CD6: variants seen among roughly 807,000 people sequenced by gnomAD.
CD6 encodes T-cell differentiation antigen CD6.
CD6 carries 53 observed loss-of-function variants against 75.3 expected under a neutral mutation model. The ratio of observed to expected loss-of-function variants is 0.70; its 90% CI spans 0.56 to 0.88. The LOEUF (loss-of-function observed/expected upper bound fraction) is 0.88. CD6 is among the 40% of genes least tolerant of loss of function. The pLI is 0.00. For missense variants in CD6, 770 were observed against 897.1 expected (o/e 0.86, Z 1.81); for synonymous variants, 359 against 381.5 (o/e 0.94, Z 0.69).
rs1423791512 is a variant in CD6, at chr11:61,009,606, C to T, written c.816C>T (p.Asp272=). 1.7e-5 allele frequency: 27 copies of T among 1,611,832 alleles called. No individual in the cohort carries two copies. Among genetic ancestry groups the T allele is most frequent in the Non-Finnish European group, 1.6e-5 (19 of 1,179,220 alleles). Residue 272 remains aspartate (D), a synonymous_variant, in exon 5 of 13, where the codon GAC becomes GAT. Transcript: ENST00000313421. Reference sequence around the variant, plus strand: ...CCTGGCGCCTGACAGGGGGCGCTGACCGCTGCGAGGGGCAGGTGGAGGTAC... The same window carrying T: ...CCTGGCGCCTGACAGGGGGCGCTGATCGCTGCGAGGGGCAGGTGGAGGTAC... The part of the protein sequence containing the change: ...HQSWRLTGGA[D]RCEGQVEVHF...
intron 1 of CD6, among the ~76,000 whole-genome samples, chr11:60,972,160 C>T (rs1329310046): frequency 6.6e-6 from 1 of 152,164 alleles, no homozygotes; most frequent in African/African-American, 2.4e-5. Context: ...TTGTGCCTTA[C>T]CAATGGGTCC....
At chr11:60,990,867 A>G (rs1858034177) in intron 1 of CD6, among the ~76,000 whole-genome samples, 1 of 151,960 alleles carries the variant, frequency 6.6e-6, no homozygotes, top group African/African-American at 2.4e-5. Context: ...CCAAGTGGAT[A>G]GATATGCATC....
chr11:61,005,370 C>T lies in CD6; in HGVS notation c.50-1204C>T, dbSNP rs372183729. ...TACCCGAGGGACCTCACAGGGGGGGCCAGAGGAATAAGTGTCACATCTTCG... is the reference window on the plus strand; with the variant it reads ...TACCCGAGGGACCTCACAGGGGGGGTCAGAGGAATAAGTGTCACATCTTCG... On this transcript the variant is annotated intron_variant, in intron 1 of 12. Transcript: ENST00000313421. Among the ~76,000 whole-genome samples, 10 of 152,186 alleles carry T rather than the reference C, an allele frequency of 6.6e-5. No homozygotes were observed. In the South Asian group the frequency reaches 1.9e-3, roughly 28 times the overall value.
intron 9 of CD6, among the ~76,000 whole-genome samples, chr11:61,016,310 G>A (rs1009432969): frequency 1.3e-5 from 2 of 152,196 alleles, no homozygotes; most frequent in African/African-American, 4.8e-5. Flanking sequence ...TTGCCTTCTG[G>A]GGATAGGAAG....
rs1202656371 is a variant in CD6 at position 61,013,997 on chromosome 11, T to C, written c.1370T>C (p.Ile457Thr). Reference sequence around the variant, plus strand: ...AGCAATAGCTATCAACCGGTCCCCATCACCATCCCCAAAGAAGGTAGGATG... The same window carrying C: ...AGCAATAGCTATCAACCGGTCCCCACCACCATCCCCAAAGAAGGTAGGATG... ...AGSNSYQPVPITIPKEVFMLP... is the reference protein window; with the variant it reads ...AGSNSYQPVPTTIPKEVFMLP... The change falls in exon 8 of 13, where the codon ATC becomes ACC. Residue 457 changes from isoleucine (I) to threonine (T), a missense_variant. Physicochemically the swap from Ile to Thr is moderately conservative, Grantham distance 89. Transcript: ENST00000313421. 6.2e-7 allele frequency: 1 copy of C among 1,612,822 alleles called. No individual in the cohort carries two copies. The highest frequency in any genetic ancestry group is 1.7e-5 in the Admixed American group (1 of 59,786).
chr11:61,009,813 CT>C lies in CD6; in HGVS notation c.1024del (p.Trp342GlyfsTer42). On this transcript the variant is annotated frameshift_variant, in exon 5 of 13. Transcript: ENST00000313421. LOFTEE classifies it high-confidence loss of function. ...GEELTLSNCS[W>X]RFNNSNLCSQ... The stretch of plus-strand genomic sequence containing the variant: ...AGGAGCTCACCCTCTCCAACTGCTC[CT>C]GGCGGTTCAACAACTCCAACCTCTG... 6.3e-7 allele frequency: 1 copy of C among 1,599,554 alleles called. No individual in the cohort carries two copies. Among genetic ancestry groups the C allele is most frequent in the South Asian group, 1.1e-5 (1 of 88,818 alleles).
chr11:61,005,941 A>G (rs12226531), intron 1 of CD6, among the ~76,000 whole-genome samples: 12,442 of 151,264 alleles, frequency 0.082, 732 homozygotes, highest in Admixed American at 0.18. Flanking sequence ...CAAAAAAAAA[A>G]AAAGAAAGAA....
At chr11:61,005,225 C>CT (rs942959400) in intron 1 of CD6, among the ~76,000 whole-genome samples, 99 of 152,334 alleles carry the variant, frequency 6.5e-4, no homozygotes, top group African/African-American at 2.3e-3. Flanking sequence ...TAAGTAGAAT[C>CT]TAAGAGCAAC....
At position 61,009,566 on chromosome 11, in the gene CD6, C is replaced by T. The variant is rs757185142; in HGVS notation, c.782-6C>T. ...CCTGACTCTGTCCCCTGCCCCTTCC[C>T]TGCAGAGCACCAGTCCTGGCGCCTG... On this transcript the variant is annotated splice_polypyrimidine_tract_variant and splice_region_variant and intron_variant, in intron 4 of 12. Coordinates refer to ENST00000313421, the MANE Select transcript of CD6 (RefSeq NM_006725.5). 3.1e-6 allele frequency: 5 copies of T among 1,592,490 alleles called. No homozygotes were observed. The East Asian group carries it at 6.7e-5, about 21-fold the overall frequency.
At chr11:61,012,958 C>T (rs1388150450) in intron 6 of CD6, among the ~76,000 whole-genome samples, 3 of 152,218 alleles carry the variant, frequency 2.0e-5, no homozygotes, top group African/African-American at 4.8e-5. Flanking sequence ...CTCATGCCCC[C>T]AGTGTCGCTG....
At chr11:61,018,062 A>G (rs779972633) in intron 11 of CD6, 49 bp downstream of exon 11, 28 of 1,591,664 alleles carry the variant, frequency 1.8e-5, no homozygotes, top group Non-Finnish European at 2.3e-5. Flanking sequence ...GCCTGGCTGG[A>G]GGAGGCATAA....
chr11:60,990,754 A>G (rs1858025435), intron 1 of CD6, among the ~76,000 whole-genome samples: 1 of 68,332 alleles, frequency 1.5e-5, no homozygotes, highest in African/African-American at 3.3e-5. Context: ...TCCATACACA[A>G]TGGATGGTAT....
intron 1 of CD6, among the ~76,000 whole-genome samples, chr11:60,997,666 T>C (rs1372182826): frequency 6.6e-6 from 1 of 152,178 alleles, no homozygotes; most frequent in Non-Finnish European, 1.5e-5. Context: ...ATTCAATCTG[T>C]ATTTAGATTT....
intron 1 of CD6, among the ~76,000 whole-genome samples, chr11:60,974,107 AAAG>A (rs1199764885): frequency 1.3e-5 from 2 of 152,172 alleles, no homozygotes; most frequent in African/African-American, 2.4e-5. Context: ...CCAAGGAGAA[AAAG>A]AAGGAGAAAG....
Position 61,017,898 on chromosome 11 carries a change from T to C in CD6, c.1722T>C (p.Asn574=), listed in dbSNP as rs1859491852. 1.9e-6 allele frequency: 3 copies of C among 1,613,918 alleles called. No individual in the cohort carries two copies. Among genetic ancestry groups the C allele is most frequent in the African/African-American group, 1.3e-5 (1 of 74,884 alleles). ...CCTCTTCAGGGGAGGATTACTGCAATAGTCCCAAAAGCAAGCTGCCTCCAT... is the reference window on the plus strand; with the variant it reads ...CCTCTTCAGGGGAGGATTACTGCAACAGTCCCAAAAGCAAGCTGCCTCCAT... ...SSTSSGEDYC[N]SPKSKLPPWN... The change falls in exon 11 of 13, where the codon AAT becomes AAC. Residue 574 remains asparagine (N), a synonymous_variant. Coordinates refer to ENST00000313421, the MANE Select transcript of CD6 (RefSeq NM_006725.5).
At chr11:61,010,486 A>G (rs1363259699) in intron 5 of CD6, among the ~76,000 whole-genome samples, 1 of 152,250 alleles carries the variant, frequency 6.6e-6, no homozygotes, top group Non-Finnish European at 1.5e-5. Flanking sequence ...TGAGTGTTAG[A>G]TAGATCTGAA....
chr11:61,011,241 G>A lies in CD6; in HGVS notation c.1150+106G>A, dbSNP rs1348735599. On this transcript the variant is annotated intron_variant, in intron 6 of 12. Coordinates refer to ENST00000313421, the MANE Select transcript of CD6 (RefSeq NM_006725.5). ...CCTGTGTTGGGGTGGAGGATGGTTTGGTCCTCATCCTCCACCTCCAGCCAA... is the reference window on the plus strand; with the variant it reads ...CCTGTGTTGGGGTGGAGGATGGTTTAGTCCTCATCCTCCACCTCCAGCCAA... The A allele has an allele frequency of 4.5e-5, 42 of 938,748 alleles. No individual in the cohort carries two copies. In the South Asian group the frequency reaches 5.7e-4, roughly 13 times the overall value. The allele number at this position is 938,748 out of a possible 1,614,324, so 58.2% of individuals were successfully genotyped here.
chr11:60,993,222 G>A (rs745460586), intron 1 of CD6, among the ~76,000 whole-genome samples: 1 of 149,994 alleles, frequency 6.7e-6, no homozygotes, highest in East Asian at 1.9e-4. Flanking sequence ...TTGCAGAGCC[G>A]GGGAAGGGTG....
rs201561033 is a variant in CD6 at position 61,018,366 on chromosome 11, C to T, written c.1915C>T (p.Pro639Ser). 4 of 1,602,668 alleles carry T rather than the reference C, an allele frequency of 2.5e-6. No individual in the cohort carries two copies. The highest frequency in any genetic ancestry group is 3.4e-6 in the Non-Finnish European group (4 of 1,174,738). Residue 639 changes from proline to serine, a missense_variant, in exon 12 of 13, where the codon CCT (proline) becomes TCT (serine). Pro to Ser is a moderately conservative substitution (Grantham distance 74). Coordinates refer to ENST00000313421, the MANE Select transcript of CD6 (RefSeq NM_006725.5). The part of the protein sequence containing the change: ...YQNFQPPPQP[P>S]SEEQFGCPGS... ...GAACTTCCAGCCACCACCCCAGCCC[C>T]CTTCGGAGGAGCAGTTTGGCTGTCC...
Sources: gnomAD v4.1 joint callset for allele counts (sites outside exome capture counted in the v4.1 genomes callset) on GRCh38, gnomAD v4.1.1 for gene constraint, MANE v1.5 for transcripts, NCBI Gene and HGNC (gene_info 2026-07-23, HGNC 2026-07-21) for gene names.